The following GPSM2 variants were observed in gnomAD, a reference collection of about 807,000 sequenced individuals.
GPSM2 encodes G protein signaling modulator 2.
Under a neutral mutation model 78.4 loss-of-function variants are expected in GPSM2, and 58 were observed. That is an observed-to-expected ratio of 0.74 (90% confidence interval 0.60 to 0.92). The LOEUF (loss-of-function observed/expected upper bound fraction) is 0.92. Ranked by LOEUF, GPSM2 falls within the 40% of genes least tolerant of loss-of-function variation. The pLI is 0.00. For synonymous variants in GPSM2, 224 were observed against 280.2 expected (o/e 0.80, Z 2.00); for missense variants, 700 against 815.5 (o/e 0.86, Z 1.73).
chr1:108,929,559 A>C (rs761682246), intron 14 of GPSM2, 142 bp from the exon 15 acceptor site: 15 of 730,492 alleles, frequency 2.1e-5, no homozygotes, highest in Admixed American at 9.7e-5. Context: ...TAAAGAGAAC[A>C]ATATAAAAAC....
chr1:108,929,866 G>C lies in GPSM2; in HGVS notation c.1981G>C (p.Gly661Arg). 6.2e-7 allele frequency: 1 copy of C among 1,613,800 alleles called. No individual in the cohort carries two copies. The highest frequency in any genetic ancestry group is 8.5e-7 in the Non-Finnish European group (1 of 1,179,754). The change falls in exon 15 of 15, where the codon GGG becomes CGG. Residue 661 changes from glycine (G) to arginine (R), a missense_variant. Coordinates refer to ENST00000264126, the MANE Select transcript of GPSM2 (RefSeq NM_013296.5). ...AGATCAAAACAGAGACACTGACTTT[G>C]GGCTAAAGGACTTTTTGCAAAATAA... The part of the protein sequence containing the change: ...QRDQNRDTDF[G>R]LKDFLQNNAL...
At chr1:108,885,198 A>T (rs770415864) in intron 1 of GPSM2, 77 bp from the exon 2 acceptor site, 59 of 224,220 alleles carry the variant, frequency 2.6e-4, no homozygotes, top group Middle Eastern at 3.2e-3. Flanking sequence ...GCTTGTGATT[A>T]TGTACAGCTC....
At chr1:108,921,653 A>C (rs338476) in intron 12 of GPSM2, among the ~76,000 whole-genome samples, 54,385 of 152,008 alleles carry the variant, frequency 0.36, 11,352 homozygotes, top group African/African-American at 0.57. Flanking sequence ...TTCAGTTCAT[A>C]ATCAGTTGAA....
At chr1:108,890,039 A>T (rs188546548) in intron 2 of GPSM2, among the ~76,000 whole-genome samples, 3 of 152,264 alleles carry the variant, frequency 2.0e-5, no homozygotes, top group Admixed American at 6.5e-5. Flanking sequence ...CTACTCTAAG[A>T]TACAGCTCGG....
chr1:108,916,508 G>T (rs1318139656), intron 11 of GPSM2, among the ~76,000 whole-genome samples: 1 of 152,144 alleles, frequency 6.6e-6, no homozygotes, highest in Non-Finnish European at 1.5e-5. Flanking sequence ...GCTCTTCTCT[G>T]TGAGTGGTTC....
chr1:108,898,141 T>A, intron 5 of GPSM2, 40 bp downstream of exon 5: 2 of 1,593,400 alleles, frequency 1.3e-6, no homozygotes, highest in Non-Finnish European at 8.6e-7. Flanking sequence ...TAGGCCCATC[T>A]AAGCCGTGGA....
chr1:108,930,028 T>C lies in GPSM2; in HGVS notation c.*88T>C. 1.8e-6 allele frequency: 2 copies of C among 1,104,986 alleles called. No homozygotes were observed. The highest frequency in any genetic ancestry group is 4.1e-5 in the Admixed American group (2 of 49,102). 68.4% of individuals were successfully genotyped at this position (1,104,986 alleles called of 1,614,324 possible). A position where few individuals can be genotyped will look rare whatever the true frequency, so the allele number is the denominator to read the frequency against. On this transcript the variant is annotated 3_prime_UTR_variant, in exon 15 of 15. Transcript: ENST00000264126. Reference sequence around the variant, plus strand: ...CTTAAAAGGAGAATTTATAGCACTGTAATACAGCTTAAAATATTTTTAGAA... The same window carrying C: ...CTTAAAAGGAGAATTTATAGCACTGCAATACAGCTTAAAATATTTTTAGAA...
intron 10 of GPSM2, among the ~76,000 whole-genome samples, chr1:108,913,678 T>C (rs550895199): frequency 6.6e-5 from 10 of 152,314 alleles, no homozygotes; most frequent in African/African-American, 2.4e-4. Context: ...AGGGGAGTTA[T>C]ACAAGGGGAG....
intron 11 of GPSM2, among the ~76,000 whole-genome samples, chr1:108,917,515 C>T (rs1400759896): frequency 2.7e-5 from 4 of 148,116 alleles, no homozygotes; most frequent in East Asian, 2.1e-4. Context: ...TGCAGTGAGC[C>T]GAGATCGTGC....
intron 2 of GPSM2, among the ~76,000 whole-genome samples, chr1:108,891,695 G>A (rs572392867): frequency 1.5e-4 from 22 of 146,134 alleles, no homozygotes; most frequent in African/African-American, 5.6e-4. Flanking sequence ...GGTGGAGATG[G>A]GGTTTTGCCA....
chr1:108,917,665 T>A (rs11804981), intron 11 of GPSM2, among the ~76,000 whole-genome samples: 42,602 of 110,470 alleles, frequency 0.39, 9,708 homozygotes, highest in African/African-American at 0.53. Context: ...TATATATATA[T>A]AAATGAGTTC....
rs762107426 is a variant in GPSM2, at chr1:108,922,469, G to A, written c.1493G>A (p.Arg498Gln). 5.0e-5 allele frequency: 80 copies of A among 1,611,854 alleles called. No homozygotes were observed. Among genetic ancestry groups the A allele is most frequent in the South Asian group, 6.6e-5 (6 of 91,014 alleles). Reference protein sequence around the residue: ...GDEGFFDLLSRFQSNRMDDQR... With the variant: ...GDEGFFDLLSQFQSNRMDDQR... ...GAAGGGTTCTTTGACTTATTAAGCC[G>A]ATTTCAAAGCAATAGGATGGATGAT... The change falls in exon 13 of 15, where the codon CGA (arginine) becomes CAA (glutamine). Residue 498 changes from arginine (R) to glutamine (Q), a missense_variant. Arg to Gln is a conservative substitution (Grantham distance 43). Coordinates refer to ENST00000264126, the MANE Select transcript of GPSM2 (RefSeq NM_013296.5).
intron 1 of GPSM2, chr1:108,877,543 C>T (rs1191988439): frequency 1.3e-5 from 2 of 149,388 alleles, no homozygotes; most frequent in Non-Finnish European, 3.0e-5. Context: ...AAAAACTATA[C>T]TAGAGTCCAG....
At chr1:108,912,900 T>TG (rs1364621187) in intron 10 of GPSM2, among the ~76,000 whole-genome samples, 5 of 18,256 alleles carry the variant, frequency 2.7e-4, no homozygotes, top group African/African-American at 8.7e-4. Context: ...AAAAAAAGGG[T>TG]GGGGGGGACA....
rs532969537 is a variant in GPSM2, at chr1:108,931,564, T to G, written c.*1624T>G. ...TGATTTGGATGGGCAAATAGAACTATTTCTCTAATGGCCAATGTTTTTTAA... is the reference window on the plus strand; with the variant it reads ...TGATTTGGATGGGCAAATAGAACTAGTTCTCTAATGGCCAATGTTTTTTAA... On this transcript the variant is annotated 3_prime_UTR_variant, in exon 15 of 15. Coordinates refer to ENST00000264126, the MANE Select transcript of GPSM2 (RefSeq NM_013296.5). The G allele has an allele frequency of 1.4e-6, 2 of 1,476,022 alleles. No individual in the cohort carries two copies. The highest frequency in any genetic ancestry group is 1.8e-6 in the Non-Finnish European group (2 of 1,105,942). The allele number at this position is 1,476,022 out of a possible 1,614,324, so 91.4% of individuals were successfully genotyped here.
intron 2 of GPSM2, among the ~76,000 whole-genome samples, chr1:108,889,379 C>T (rs566304532): frequency 6.6e-6 from 1 of 152,268 alleles, no homozygotes; most frequent in African/African-American, 2.4e-5. Context: ...GAGGAAGTAA[C>T]TTGTGGAATG....
At chr1:108,884,926 T>C (rs900136024) in intron 1 of GPSM2, among the ~76,000 whole-genome samples, 4 of 152,270 alleles carry the variant, frequency 2.6e-5, no homozygotes, top group Non-Finnish European at 5.9e-5. Context: ...CAAATAATTA[T>C]TGAATTTTCA....
chr1:108,880,708 G>A (rs1056038804), intron 1 of GPSM2, among the ~76,000 whole-genome samples: 7 of 152,182 alleles, frequency 4.6e-5, no homozygotes, highest in African/African-American at 1.7e-4. Context: ...AATAATAAAT[G>A]GCTATGCTTA....
intron 1 of GPSM2, chr1:108,877,845 C>G (rs541094492): frequency 6.6e-6 from 1 of 152,118 alleles, no homozygotes; most frequent in Non-Finnish European, 1.5e-5. Flanking sequence ...AAAAAAAAAT[C>G]TGTAATTTCC....
Sources: allele counts gnomAD v4.1 joint callset (sites outside exome capture counted in the v4.1 genomes callset), GRCh38; gene constraint gnomAD v4.1.1; transcripts MANE v1.5; gene names NCBI Gene and HGNC (gene_info 2026-07-23, HGNC 2026-07-21).